The following ELF5 variants were observed in gnomAD, a reference collection of about 807,000 sequenced individuals.
ELF5 encodes the protein E74 like ETS transcription factor 5.
In ELF5, 31 loss-of-function variants were observed where a neutral mutation model predicts 38.2. The ratio of observed to expected loss-of-function variants is 0.81; its 90% CI spans 0.61 to 1.10. The LOEUF (loss-of-function observed/expected upper bound fraction) is 1.10, where lower values mean the gene tolerates loss of function less well. ELF5 is among the 50% of genes least tolerant of loss of function. ELF5 has a pLI of 0.00. For synonymous variants in ELF5, 121 were observed against 112.5 expected (o/e 1.08, Z -0.48); for missense variants, 300 against 306.6 (o/e 0.98, Z 0.16).
Position 34,480,142 on chromosome 11 carries a change from C to T in ELF5, c.*76G>A. The stretch of plus-strand genomic sequence containing the variant: ...TAAAAAAAAAGAGAAGAAAATGAAG[C>T]CTTTCGAATGTCTATTGCAATCTGA... On this transcript the variant is annotated 3_prime_UTR_variant, in exon 7 of 7. Transcript: ENST00000257832. 3.4e-6 allele frequency: 4 copies of T among 1,185,512 alleles called. No individual in the cohort carries two copies. The highest frequency in any genetic ancestry group is 3.7e-6 in the Non-Finnish European group (3 of 816,784). 73.4% of individuals were successfully genotyped at this position (1,185,512 alleles called of 1,614,324 possible).
chr11:34,511,170 A>C (rs548951158), intron 1 of ELF5, among the ~76,000 whole-genome samples: 1 of 152,268 alleles, frequency 6.6e-6, no homozygotes, highest in South Asian at 2.1e-4. Context: ...TTATATTTGC[A>C]TTTTTTTGGT....
At chr11:34,495,173 C>A (rs376577987) in intron 2 of ELF5, among the ~76,000 whole-genome samples, 5 of 152,250 alleles carry the variant, frequency 3.3e-5, no homozygotes, top group African/African-American at 1.2e-4. Flanking sequence ...AGAGATGGAA[C>A]GTGAAGAGTG....
chr11:34,488,815 C>A (rs1850079919), intron 4 of ELF5, among the ~76,000 whole-genome samples: 1 of 152,224 alleles, frequency 6.6e-6, no homozygotes, highest in Non-Finnish European at 1.5e-5. Context: ...CAAATGCCTG[C>A]CTGTGGCTCA....
In ELF5 at chr11:34,480,208, C is replaced by G; in HGVS notation, c.*10G>C. On this transcript the variant is annotated 3_prime_UTR_variant, in exon 7 of 7. Transcript: ENST00000257832. ...GAAATCCATAAAATGAGCTTGATGC[C>G]TGGAGCAGATCATAGCTTGTCTTCC... 1 of 1,611,072 alleles carries G rather than the reference C, an allele frequency of 6.2e-7. No homozygotes were observed. Among genetic ancestry groups the G allele is most frequent in the South Asian group, 1.1e-5 (1 of 90,988 alleles).
intron 1 of ELF5, among the ~76,000 whole-genome samples, chr11:34,512,968 C>A (rs1480995078): frequency 6.6e-6 from 1 of 152,090 alleles, no homozygotes; most frequent in African/African-American, 2.4e-5. Context: ...CACTTTCGGG[C>A]GTACAAAAGG....
chr11:34,510,368 C>T (rs181257698), intron 1 of ELF5, among the ~76,000 whole-genome samples: 23 of 151,446 alleles, frequency 1.5e-4, no homozygotes, highest in Non-Finnish European at 2.5e-4. Flanking sequence ...CTGGGCTCTC[C>T]ACAAAAGACC....
chr11:34,507,758 A>T (rs1321161236), intron 1 of ELF5, among the ~76,000 whole-genome samples: 1 of 152,236 alleles, frequency 6.6e-6, no homozygotes, highest in East Asian at 1.9e-4. Flanking sequence ...AATAATGTTG[A>T]CATAGAGTAG....
chr11:34,504,417 G>A (rs563641118), intron 2 of ELF5, among the ~76,000 whole-genome samples: 151 of 151,404 alleles, frequency 1.0e-3, no homozygotes, highest in Non-Finnish European at 1.8e-3. Flanking sequence ...GTGTGTGCAC[G>A]CGTGTGTGTA....
chr11:34,505,648 A>T lies in ELF5; in HGVS notation c.102T>A (p.Pro34=). ...TDLFSNEEYY[P]AFEHQTACDS... ...ACGCACCTGTCTGATGCTCAAAGGCAGGGTAGTACTCTTCATTGCTGAACA... is the reference window on the plus strand; with the variant it reads ...ACGCACCTGTCTGATGCTCAAAGGCTGGGTAGTACTCTTCATTGCTGAACA... Residue 34 remains proline, a synonymous_variant, in exon 2 of 7, where the codon CCT becomes CCA. Coordinates refer to ENST00000257832, the MANE Select transcript of ELF5 (RefSeq NM_001422.4). 6.2e-7 allele frequency: 1 copy of T among 1,613,678 alleles called. No individual in the cohort carries two copies. Among genetic ancestry groups the T allele is most frequent in the Non-Finnish European group, 8.5e-7 (1 of 1,179,760 alleles).
chr11:34,483,401 T>C (rs1019957544), intron 4 of ELF5, among the ~76,000 whole-genome samples: 3 of 151,968 alleles, frequency 2.0e-5, no homozygotes, highest in Non-Finnish European at 4.4e-5. Flanking sequence ...AACATAACCC[T>C]GCAGCACCTA....
rs888979323 is a variant in ELF5 at position 34,478,843 on chromosome 11, A to C, written c.*1375T>G. On this transcript the variant is annotated 3_prime_UTR_variant, in exon 7 of 7. Transcript: ENST00000257832. ...TTGTTTACAAACTATATCCACCTGG[A>C]AAACACATGAATCCAAAATAGATTA... The C allele has an allele frequency of 2.0e-5, 3 of 152,682 alleles. No individual in the cohort carries two copies. The highest frequency in any genetic ancestry group is 7.2e-5 in the African/African-American group (3 of 41,468). The allele number at this position is 152,682 out of a possible 1,614,324, so 9.5% of individuals were successfully genotyped here.
intron 2 of ELF5, among the ~76,000 whole-genome samples, chr11:34,503,743 C>T (rs919329217): frequency 2.0e-5 from 3 of 152,348 alleles, no homozygotes; most frequent in South Asian, 4.1e-4. Context: ...TAAGCCATCA[C>T]GTCCAGCTAA....
At chr11:34,494,188 T>C (rs897696352) in intron 2 of ELF5, among the ~76,000 whole-genome samples, 1 of 152,304 alleles carries the variant, frequency 6.6e-6, no homozygotes, top group Non-Finnish European at 1.5e-5. Context: ...AGGACTATTA[T>C]GGAGTTTGGG....
intron 6 of ELF5, 78 bp from the exon 7 acceptor site, chr11:34,480,392 C>T (rs1379647808): frequency 1.8e-6 from 2 of 1,128,616 alleles, no homozygotes; most frequent in Non-Finnish European, 1.3e-6. Context: ...ACTGTCTCCT[C>T]ATTCCTCTCA....
At chr11:34,481,956 G>A (rs1227517209) in intron 5 of ELF5, among the ~76,000 whole-genome samples, 6 of 152,196 alleles carry the variant, frequency 3.9e-5, no homozygotes, top group Admixed American at 2.6e-4. Flanking sequence ...TTACAAGCTT[G>A]ACACTGCTCT....
chr11:34,505,096 C>T (rs1303834281), intron 2 of ELF5, among the ~76,000 whole-genome samples: 2 of 152,212 alleles, frequency 1.3e-5, no homozygotes, highest in Admixed American at 1.3e-4. Context: ...TGGAGCTTAA[C>T]TGTGAGGCCC....
At chr11:34,507,668 C>T (rs911818612) in intron 1 of ELF5, among the ~76,000 whole-genome samples, 5 of 152,162 alleles carry the variant, frequency 3.3e-5, no homozygotes, top group African/African-American at 4.8e-5. Context: ...CCCATCTCCC[C>T]GCAATTCAGA....
chr11:34,512,747 G>A (rs553697567), intron 1 of ELF5, among the ~76,000 whole-genome samples: 2 of 152,116 alleles, frequency 1.3e-5, no homozygotes, highest in African/African-American at 4.8e-5. Context: ...TGAAAACTCC[G>A]GCCCGAGAAT....
intron 2 of ELF5, among the ~76,000 whole-genome samples, chr11:34,494,845 TATCATA>T (rs1850278255): frequency 6.6e-6 from 1 of 152,242 alleles, no homozygotes; most frequent in Non-Finnish European, 1.5e-5. Context: ...ACAGCACCTG[TATCATA>T]GTGCTGTTCT....
Sources: gnomAD v4.1 joint callset for allele counts (sites outside exome capture counted in the v4.1 genomes callset) on GRCh38, gnomAD v4.1.1 for gene constraint, MANE v1.5 for transcripts, NCBI Gene and HGNC (gene_info 2026-07-23, HGNC 2026-07-21) for gene names.